The following KCTD16 variants were observed in gnomAD, a reference collection of about 807,000 sequenced individuals.
The protein encoded by KCTD16 is potassium channel tetramerization domain containing 16, also known as BTB/POZ domain-containing protein KCTD16.
In KCTD16, 13 loss-of-function variants were observed where a neutral mutation model predicts 33.2. The ratio of observed to expected loss-of-function variants is 0.39; its 90% CI spans 0.25 to 0.62. KCTD16 has a LOEUF of 0.62. Among genes scored for constraint, KCTD16 ranks in the 20% least tolerant of loss-of-function variants. KCTD16 has a pLI of 0.50. For synonymous variants in KCTD16, 197 were observed against 195.3 expected (o/e 1.01, Z -0.07); for missense variants, 441 against 525.1 (o/e 0.84, Z 1.57).
chr5:144,378,321 G>A (rs986379375), intron 3 of KCTD16, among the ~76,000 whole-genome samples: 1 of 152,152 alleles, frequency 6.6e-6, no homozygotes, highest in African/African-American at 2.4e-5. Context: ...ATATGAATAA[G>A]GTGGTGTATA....
intron 3 of KCTD16, among the ~76,000 whole-genome samples, chr5:144,254,337 G>A (rs765042425): frequency 2.3e-4 from 35 of 151,658 alleles, no homozygotes; most frequent in Non-Finnish European, 4.7e-4. Context: ...TAGAGATGGG[G>A]TTTCACAGTG....
At chr5:144,440,793 C>A (rs1206975010) in intron 3 of KCTD16, among the ~76,000 whole-genome samples, 2 of 151,696 alleles carry the variant, frequency 1.3e-5, no homozygotes, top group Non-Finnish European at 2.9e-5. Flanking sequence ...GCACAACATG[C>A]AGGTTTGTTA....
chr5:144,207,619 C>G, intron 3 of KCTD16, 73 bp downstream of exon 3: 1 of 1,032,350 alleles, frequency 9.7e-7, no homozygotes, highest in Non-Finnish European at 1.4e-6. Context: ...TCTGTGTGTT[C>G]TCTCCATACC....
chr5:144,203,280 G>T (rs1753084326), intron 2 of KCTD16, among the ~76,000 whole-genome samples: 2 of 151,330 alleles, frequency 1.3e-5, no homozygotes, highest in South Asian at 4.2e-4. Flanking sequence ...ATTAATTCTT[G>T]GTGTGCTTTT....
intron 3 of KCTD16, among the ~76,000 whole-genome samples, chr5:144,354,802 A>G (rs993021050): frequency 2.0e-5 from 3 of 152,216 alleles, no homozygotes; most frequent in Non-Finnish European, 4.4e-5. Context: ...AGTGAATTTC[A>G]TATGAGACAT....
chr5:144,462,500 A>C (rs1367442993), intron 3 of KCTD16, among the ~76,000 whole-genome samples: 6 of 151,752 alleles, frequency 4.0e-5, no homozygotes, highest in African/African-American at 1.5e-4. Flanking sequence ...GATGGGAGAG[A>C]AGAAGGGGAA....
At position 144,207,523 on chromosome 5, in the gene KCTD16, G is replaced by A; in HGVS notation, c.809G>A (p.Ser270Asn). ...TATACAGATGACAAGATCTGGTCAA[G>A]CTACACTGAATATGTCTTCTACCGT... ...NQYTDDKIWSSYTEYVFYREP... is the reference protein window; with the variant it reads ...NQYTDDKIWSNYTEYVFYREP... The change falls in exon 3 of 4, where the codon AGC becomes AAC. Residue 270 changes from serine to asparagine, a missense_variant. Around this residue, in one of 3 missense-constraint regions of KCTD16, gnomAD observed 355 missense variants for 413.0 expected, o/e 0.86. Transcript: ENST00000512467. The A allele has an allele frequency of 6.2e-7, 1 of 1,613,358 alleles. No homozygotes were observed. The highest frequency in any genetic ancestry group is 8.5e-7 in the Non-Finnish European group (1 of 1,179,562).
In KCTD16 at chr5:144,473,703, C is replaced by A; in HGVS notation, c.876C>A (p.Cys292Ter). 1.2e-6 allele frequency: 2 copies of A among 1,609,358 alleles called. No individual in the cohort carries two copies. Among genetic ancestry groups the A allele is most frequent in the Non-Finnish European group, 1.7e-6 (2 of 1,176,140 alleles). The change falls in exon 4 of 4, where the codon TGC becomes TGA. Residue 292 changes from cysteine (C) to a stop codon, truncating the protein, a stop_gained. Coordinates refer to ENST00000512467, the MANE Select transcript of KCTD16 (RefSeq NM_020768.4). LOFTEE classifies it high-confidence loss of function. The stretch of plus-strand genomic sequence containing the variant: ...CACCCTCACACTGCGATTGCTGCTG[C>A]AAGAATGGCAAAGGTGACAAAGAAG... The part of the protein sequence containing the change: ...RWSPSHCDCC[C>*]KNGKGDKEGE...
chr5:144,463,863 T>C (rs1754258850), intron 3 of KCTD16, among the ~76,000 whole-genome samples: 1 of 152,244 alleles, frequency 6.6e-6, no homozygotes, highest in Non-Finnish European at 1.5e-5. Context: ...TATTATTACA[T>C]AATATCAACA....
intron 2 of KCTD16, among the ~76,000 whole-genome samples, chr5:144,189,420 T>C (rs954096951): frequency 6.7e-6 from 1 of 148,686 alleles, no homozygotes; most frequent in Admixed American, 6.8e-5. Flanking sequence ...GGCGTGAACC[T>C]GGGAGGCGGA....
chr5:144,356,993 G>C lies in KCTD16; in HGVS notation c.833-116667G>C, dbSNP rs184027573. ...TTGGCATTTGATTTAAGCTCTCAGT[G>C]GCTTTTCCATTTCATGGAAACAGTA... On this transcript the variant is annotated intron_variant, in intron 3 of 3. Coordinates refer to ENST00000512467, the MANE Select transcript of KCTD16 (RefSeq NM_020768.4). Among the ~76,000 whole-genome samples the C allele has an allele frequency of 3.3e-5, 5 of 152,122 alleles. No homozygotes were observed. In the East Asian group the frequency reaches 9.7e-4, roughly 29 times the overall value.
At chr5:144,398,581 G>A (rs1054542646) in intron 3 of KCTD16, among the ~76,000 whole-genome samples, 1 of 152,068 alleles carries the variant, frequency 6.6e-6, no homozygotes, top group Non-Finnish European at 1.5e-5. Context: ...ATATCCGCAA[G>A]TTGTTTTTAA....
chr5:144,253,673 T>G (rs951112067), intron 3 of KCTD16, among the ~76,000 whole-genome samples: 2 of 152,176 alleles, frequency 1.3e-5, no homozygotes, highest in Non-Finnish European at 2.9e-5. Context: ...TTCTGTATTT[T>G]TTTAAAGATG....
At chr5:144,342,715 T>C (rs1386126197) in intron 3 of KCTD16, among the ~76,000 whole-genome samples, 3 of 152,186 alleles carry the variant, frequency 2.0e-5, no homozygotes, top group Admixed American at 1.3e-4. Flanking sequence ...GGCTGTGGGT[T>C]TGTCATAAAT....
chr5:144,437,293 A>G (rs1123825), intron 3 of KCTD16, among the ~76,000 whole-genome samples: 11,877 of 152,188 alleles, frequency 0.078, 1,547 homozygotes, highest in African/African-American at 0.27. Context: ...GAAGGAGTAA[A>G]TGTCCCATTG....
chr5:144,306,865 G>GCCAGGAGTTTCTTCCTC (rs1161356664), intron 3 of KCTD16, among the ~76,000 whole-genome samples: 9 of 152,286 alleles, frequency 5.9e-5, no homozygotes, highest in Non-Finnish European at 1.0e-4. Flanking sequence ...GAACTTCGTT[G>GCCAGGAGTTTCTTCCTC]CTGTACTGTG....
chr5:144,199,976 G>A (rs1753012572), intron 2 of KCTD16, among the ~76,000 whole-genome samples: 1 of 152,076 alleles, frequency 6.6e-6, no homozygotes, highest in East Asian at 1.9e-4. Context: ...GCCTCCCAAA[G>A]TGCTTCCTCG....
At chr5:144,306,709 A>G (rs891609074) in intron 3 of KCTD16, among the ~76,000 whole-genome samples, 1 of 152,142 alleles carries the variant, frequency 6.6e-6, no homozygotes, top group Non-Finnish European at 1.5e-5. Context: ...TGGTGTAGAG[A>G]GGACTGTGAG....
chr5:144,441,085 G>T (rs2126977082), intron 3 of KCTD16, among the ~76,000 whole-genome samples: 1 of 152,136 alleles, frequency 6.6e-6, no homozygotes, highest in South Asian at 2.1e-4. Flanking sequence ...GATCTATTCG[G>T]ATCCTTTGTT....
Sources: allele counts gnomAD v4.1 joint callset (sites outside exome capture counted in the v4.1 genomes callset), GRCh38; gene constraint gnomAD v4.1.1; regional missense constraint gnomAD v4.1.1; transcripts MANE v1.5; gene names NCBI Gene and HGNC (gene_info 2026-07-23, HGNC 2026-07-21).